CSMD1: variants seen among roughly 807,000 people sequenced by gnomAD.
CSMD1 encodes CUB and Sushi multiple domains 1.
A neutral mutation model predicts 417.5 loss-of-function variants in CSMD1; 213 were observed. The ratio of observed to expected loss-of-function variants is 0.51; its 90% CI spans 0.46 to 0.57. CSMD1 has a LOEUF of 0.57. Ranked by LOEUF, CSMD1 falls within the 20% of genes least tolerant of loss-of-function variation. The pLI is 0.00. For synonymous variants in CSMD1, 2,862 were observed against 1,736.8 expected, an observed-to-expected ratio of 1.65 and a Z score of -16.11; for missense variants, 6,923 against 4,529.7, an observed-to-expected ratio of 1.53 and a Z score of -15.17.
At chr8:3,237,071 C>G (rs967449022) in intron 26 of CSMD1, among the ~76,000 whole-genome samples, 3 of 152,026 alleles carry the variant, frequency 2.0e-5, no homozygotes, top group East Asian at 3.9e-4. Flanking sequence ...CTGACTGTTT[C>G]CAACAGCAGG....
intron 1 of CSMD1, among the ~76,000 whole-genome samples, chr8:4,714,931 G>C (rs904539624): frequency 6.6e-6 from 1 of 152,150 alleles, no homozygotes; most frequent in Non-Finnish European, 1.5e-5. Flanking sequence ...CTTTTTGGAA[G>C]GTGTCTAGAG....
intron 1 of CSMD1, among the ~76,000 whole-genome samples, chr8:4,946,229 C>A (rs1054708014): frequency 6.6e-6 from 1 of 152,204 alleles, no homozygotes; most frequent in Non-Finnish European, 1.5e-5. Context: ...AAATCCCTGT[C>A]TTGTTACGTT....
chr8:4,421,729 A>G (rs1325038337), intron 2 of CSMD1, among the ~76,000 whole-genome samples: 1 of 151,998 alleles, frequency 6.6e-6, no homozygotes, highest in Non-Finnish European at 1.5e-5. Flanking sequence ...ACAGCTTAGA[A>G]AAACTCCCAA....
chr8:4,258,786 A>T (rs1320390281), intron 3 of CSMD1, among the ~76,000 whole-genome samples: 1 of 152,126 alleles, frequency 6.6e-6, no homozygotes, highest in Non-Finnish European at 1.5e-5. Context: ...TAACCAGCTG[A>T]ATATTTAGAG....
At chr8:4,078,923 A>G (rs1319942624) in intron 3 of CSMD1, among the ~76,000 whole-genome samples, 1 of 25,470 alleles carries the variant, frequency 3.9e-5, no homozygotes, top group African/African-American at 7.5e-5. Context: ...ATATATATAT[A>G]TATATATATA....
At chr8:3,929,541 G>C (rs1379434595) in intron 5 of CSMD1, among the ~76,000 whole-genome samples, 2 of 150,458 alleles carry the variant, frequency 1.3e-5, no homozygotes, top group Non-Finnish European at 3.0e-5. Context: ...GCAGGAACTG[G>C]GTTGTCTGTC....
chr8:4,367,000 G>A (rs556152186), intron 3 of CSMD1, among the ~76,000 whole-genome samples: 3 of 152,074 alleles, frequency 2.0e-5, no homozygotes, highest in Non-Finnish European at 4.4e-5. Context: ...GAGGTTGTCT[G>A]CTTACTCTGT....
At chr8:3,634,326 C>G (rs1165675656) in intron 7 of CSMD1, among the ~76,000 whole-genome samples, 1 of 152,184 alleles carries the variant, frequency 6.6e-6, no homozygotes, top group Non-Finnish European at 1.5e-5. Context: ...TGTGGGTGGA[C>G]AGCATGCCTG....
chr8:4,318,512 A>G (rs534469290), intron 3 of CSMD1, among the ~76,000 whole-genome samples: 3 of 152,278 alleles, frequency 2.0e-5, no homozygotes, highest in African/African-American at 7.2e-5. Context: ...AACTGGCGAG[A>G]AAACTTGAGT....
chr8:3,324,070 A>T (rs1345978517), intron 23 of CSMD1, among the ~76,000 whole-genome samples: 1 of 143,356 alleles, frequency 7.0e-6, no homozygotes, highest in African/African-American at 2.6e-5. Flanking sequence ...ATAGACACAC[A>T]CCCAACCCCA....
intron 3 of CSMD1, among the ~76,000 whole-genome samples, chr8:4,405,227 G>A (rs1012206738): frequency 6.6e-6 from 1 of 152,128 alleles, no homozygotes; most frequent in East Asian, 1.9e-4. Context: ...CCGTGGTTTT[G>A]CATCAATGGA....
chr8:4,586,963 G>A (rs752059967), intron 2 of CSMD1, among the ~76,000 whole-genome samples: 8 of 152,244 alleles, frequency 5.3e-5, no homozygotes, highest in South Asian at 2.1e-4. Context: ...TGTAAGAGAG[G>A]TTACATCTAT....
chr8:3,358,415 G>C (rs1808938064), intron 21 of CSMD1, among the ~76,000 whole-genome samples: 1 of 152,128 alleles, frequency 6.6e-6, no homozygotes. Context: ...CGAGAGCTCT[G>C]GCTGTGTGGA....
rs771186974 is a variant in CSMD1, at chr8:4,897,155, T to A, written c.85+97177A>T. Reference sequence around the variant, plus strand: ...TGAGCAAGGCAGGTGCACGTTATTATCTCCCGAGTGCAGAAGAGGAAGCTG... The same window carrying A: ...TGAGCAAGGCAGGTGCACGTTATTAACTCCCGAGTGCAGAAGAGGAAGCTG... On this transcript the variant is annotated intron_variant, in intron 1 of 69. Coordinates refer to ENST00000635120, the MANE Select transcript of CSMD1 (RefSeq NM_033225.6). Among the ~76,000 whole-genome samples, 5 of 152,118 alleles carry A rather than the reference T, an allele frequency of 3.3e-5. No individual in the cohort carries two copies. In the East Asian group the frequency reaches 5.8e-4, roughly 18 times the overall value.
rs1182576337 is a variant in CSMD1, at chr8:3,795,878, ATATC to A, written c.819-41840_819-41837del. On this transcript the variant is annotated intron_variant, in intron 5 of 69. Transcript: ENST00000635120. ...ATCTATCATGTACAGATATAGATAT[ATATC>A]TATCATGTACAGATATATATATCAT... Among the ~76,000 whole-genome samples the A allele has an allele frequency of 5.3e-5, 4 of 75,838 alleles. 1 individual carries two copies. Among genetic ancestry groups the A allele is most frequent in the Non-Finnish European group, 1.1e-4 (4 of 35,824 alleles). 49.8% of individuals were successfully genotyped at this position (75,838 alleles called of 152,430 possible).
intron 8 of CSMD1, among the ~76,000 whole-genome samples, chr8:3,592,010 T>C (rs190811920): frequency 6.6e-6 from 1 of 151,964 alleles, no homozygotes; most frequent in East Asian, 1.9e-4. Context: ...GGATAGATGA[T>C]AGGTAGATAG....
chr8:4,170,579 C>G (rs539025791), intron 3 of CSMD1, among the ~76,000 whole-genome samples: 1 of 151,910 alleles, frequency 6.6e-6, no homozygotes, highest in African/African-American at 2.4e-5. Flanking sequence ...AAAACCTTAG[C>G]AGTACACTTT....
intron 1 of CSMD1, among the ~76,000 whole-genome samples, chr8:4,766,120 T>C (rs972824044): frequency 9.9e-5 from 15 of 152,202 alleles, no homozygotes; most frequent in Non-Finnish European, 2.1e-4. Flanking sequence ...TACAGCCAAA[T>C]AAACTTTTGA....
At chr8:3,017,334 G>A (rs1394980372) in intron 52 of CSMD1, among the ~76,000 whole-genome samples, 1 of 152,100 alleles carries the variant, frequency 6.6e-6, no homozygotes, top group Non-Finnish European at 1.5e-5. Flanking sequence ...AGGAATGCAT[G>A]GAAACTCCTA....
Sources: allele counts gnomAD v4.1 joint callset (sites outside exome capture counted in the v4.1 genomes callset), GRCh38; gene constraint gnomAD v4.1.1; transcripts MANE v1.5; gene names NCBI Gene and HGNC (gene_info 2026-07-23, HGNC 2026-07-21).